The following NCOR1 variants were observed in gnomAD, a reference collection of about 807,000 sequenced individuals.
The protein encoded by NCOR1 is protein phosphatase 1, regulatory subunit 109.
A neutral mutation model predicts 288.1 loss-of-function variants in NCOR1; 63 were observed. The observed-to-expected ratio is 0.22, with a 90% confidence interval of 0.18 to 0.27. The LOEUF is 0.27. Ranked by LOEUF, NCOR1 falls within the 10% of genes least tolerant of loss-of-function variation. The pLI is 1.00. For synonymous variants in NCOR1, 1,007 were observed against 1,065.9 expected (o/e 0.94, Z 1.08); for missense variants, 2,397 against 3,019.2 (o/e 0.79, Z 4.83).
chr17:16,068,043 G>A lies in NCOR1; in HGVS notation c.4592C>T (p.Ala1531Val), dbSNP rs151311067. 5.4e-5 allele frequency: 87 copies of A among 1,614,018 alleles called. No individual in the cohort carries two copies. The highest frequency in any genetic ancestry group is 5.2e-4 in the Admixed American group (31 of 59,996). The part of the protein sequence containing the change: ...LTPTQRESIP[A>V]KSPVPGVDPV... ...GTCCACCCCAGGCACTGGAGACTTC[G>A]CTGGGATACTTTCCCTCTGGGTAGG... Residue 1531 changes from alanine to valine, a missense_variant, in exon 32 of 46, where the codon GCG becomes GTG. Ala to Val is a moderately conservative substitution (Grantham distance 64). This residue lies in a region of NCOR1 where 1,872 missense variants were observed against 2,187.8 expected (regional missense o/e 0.86). Coordinates refer to ENST00000268712, the MANE Select transcript of NCOR1 (RefSeq NM_006311.4).
intron 20 of NCOR1, among the ~76,000 whole-genome samples, chr17:16,099,015 T>A (rs2067140526): frequency 6.6e-6 from 1 of 152,236 alleles, no homozygotes; most frequent in Non-Finnish European, 1.5e-5. Flanking sequence ...AATATTTGAA[T>A]AAGCTGCTGT....
At position 16,182,611 on chromosome 17, in the gene NCOR1, C is replaced by G. The variant is rs187243943; in HGVS notation, c.242+3943G>C. 4.6e-3 allele frequency among the ~76,000 whole-genome samples: 704 copies of G among 152,196 alleles called. 6 individuals carry two copies. The highest frequency in any genetic ancestry group is 0.016 in the African/African-American group (664 of 41,520). ...CTGGGACTATAGGTGCCCACCACCA[C>G]GCCCGGCTAATGTTTTGTATTTTTA... On this transcript the variant is annotated intron_variant, in intron 3 of 45. Transcript: ENST00000268712.
rs143632655 is a variant in NCOR1 at position 16,127,265 on chromosome 17, A to C, written c.1510-1059T>G. On this transcript the variant is annotated intron_variant, in intron 14 of 45. Coordinates refer to ENST00000268712, the MANE Select transcript of NCOR1 (RefSeq NM_006311.4). ...TATGTATGTATATATGTGTGTGTAT[A>C]TATGTATGTATATATACGTGTATAT... Among the ~76,000 whole-genome samples, 9 of 103,944 alleles carry C rather than the reference A, an allele frequency of 8.7e-5. 1 individual carries two copies. The highest frequency in any genetic ancestry group is 3.0e-4 in the African/African-American group (9 of 29,714). 68.2% of individuals were successfully genotyped at this position (103,944 alleles called of 152,430 possible).
intron 41 of NCOR1, 54 bp downstream of exon 41, chr17:16,048,791 A>G (rs1388536209): frequency 1.4e-6 from 2 of 1,466,624 alleles, no homozygotes; most frequent in Non-Finnish European, 1.8e-6. Flanking sequence ...AGGAAATGTT[A>G]AAGCATGAGC....
At chr17:16,086,567 G>C in intron 22 of NCOR1, 125 bp from the exon 23 acceptor site, 1 of 828,342 alleles carries the variant, frequency 1.2e-6, no homozygotes, top group Non-Finnish European at 1.8e-6. Flanking sequence ...AACCAACAAT[G>C]AACATTTCTA....
rs1039572294 is a variant in NCOR1, at chr17:16,215,408, A to G, written c.-117T>C. The G allele has an allele frequency of 1.0e-5, 4 of 395,952 alleles. No homozygotes were observed. The highest frequency in any genetic ancestry group is 8.8e-5 in the Admixed American group (2 of 22,634). 24.5% of individuals were successfully genotyped at this position (395,952 alleles called of 1,614,324 possible). On this transcript the variant is annotated 5_prime_UTR_variant, in exon 1 of 46. Coordinates refer to ENST00000268712, the MANE Select transcript of NCOR1 (RefSeq NM_006311.4). ...AGCCGACGTGCGCCCCGGCCTGAGG[A>G]GTGGGACGCGGCCACGGCGCGCGGC...
chr17:16,039,772 T>G, intron 43 of NCOR1, 118 bp from the exon 44 acceptor site: 1 of 866,236 alleles, frequency 1.2e-6, no homozygotes, highest in Non-Finnish European at 1.8e-6. Context: ...CCTAGAACAA[T>G]ACCAGGACCC....
Position 16,108,996 on chromosome 17 carries a change from A to G in NCOR1, c.2056-84T>C, listed in dbSNP as rs2069392140. On this transcript the variant is annotated intron_variant, in intron 18 of 45. Coordinates refer to ENST00000268712, the MANE Select transcript of NCOR1 (RefSeq NM_006311.4). ...TCTGAAATAATGTAGAACATTGATA[A>G]GCACACACACACACCAGACAAGGAG... 13 of 1,102,752 alleles carry G rather than the reference A, an allele frequency of 1.2e-5. No individual in the cohort carries two copies. In the South Asian group the frequency reaches 2.2e-4, roughly 18 times the overall value. 68.3% of individuals were successfully genotyped at this position (1,102,752 alleles called of 1,614,324 possible).
chr17:16,039,671 A>T lies in NCOR1; in HGVS notation c.6734-17T>A. 1 of 1,602,520 alleles carries T rather than the reference A, an allele frequency of 6.2e-7. No individual in the cohort carries two copies. The highest frequency in any genetic ancestry group is 1.7e-5 in the Admixed American group (1 of 58,646). ...TAACTGAGCCTGAAAGAGAATCAAA[A>T]ACATTTCCACTTATTTCTGAAAGGC... On this transcript the variant is annotated splice_polypyrimidine_tract_variant and intron_variant, in intron 43 of 45. Coordinates refer to ENST00000268712, the MANE Select transcript of NCOR1 (RefSeq NM_006311.4).
intron 11 of NCOR1, among the ~76,000 whole-genome samples, chr17:16,140,854 G>C (rs1015836434): frequency 6.6e-6 from 1 of 151,964 alleles, no homozygotes; most frequent in Admixed American, 6.6e-5. Flanking sequence ...TTAGCCGGGC[G>C]TAGTGGTGTA....
At chr17:16,042,171 A>C (rs2057837562) in intron 42 of NCOR1, among the ~76,000 whole-genome samples, 1 of 151,990 alleles carries the variant, frequency 6.6e-6, no homozygotes, top group African/African-American at 2.4e-5. Context: ...AGAGGAGAAA[A>C]GTCCTCAGAA....
intron 3 of NCOR1, among the ~76,000 whole-genome samples, chr17:16,181,039 G>T (rs1319208507): frequency 6.6e-6 from 1 of 152,050 alleles, no homozygotes; most frequent in Non-Finnish European, 1.5e-5. Flanking sequence ...CACGCCTGTA[G>T]TCCCAGCTAC....
rs139458532 is a variant in NCOR1 at position 16,073,554 on chromosome 17, C to G, written c.3686G>C (p.Arg1229Pro). 1 of 1,606,936 alleles carries G rather than the reference C, an allele frequency of 6.2e-7. No homozygotes were observed. The highest frequency in any genetic ancestry group is 1.3e-5 in the African/African-American group (1 of 74,692). ...TGTTCTTGGACTCCTAGTCCCTTCTCGGGCATTCTTAATATCTACAGAATA... is the reference window on the plus strand; with the variant it reads ...TGTTCTTGGACTCCTAGTCCCTTCTGGGGCATTCTTAATATCTACAGAATA... ...ILSYDNIKNA[R>P]EGTRSPRTAH... The change falls in exon 28 of 46, where the codon CGA becomes CCA. Residue 1229 changes from arginine to proline, a missense_variant. Transcript: ENST00000268712.
chr17:16,039,406 A>C, intron 44 of NCOR1, 27 bp downstream of exon 44: 1 of 1,602,192 alleles, frequency 6.2e-7, no homozygotes, highest in Non-Finnish European at 8.5e-7. Context: ...GAAAAGCAGC[A>C]GAAAAGCACT....
At chr17:16,096,818 G>C (rs1160123881) in intron 21 of NCOR1, among the ~76,000 whole-genome samples, 2 of 152,130 alleles carry the variant, frequency 1.3e-5, no homozygotes, top group Non-Finnish European at 2.9e-5. Context: ...AAAAACCAAG[G>C]TGCTAAAATC....
chr17:16,185,080 G>A (rs1368009418), intron 3 of NCOR1, among the ~76,000 whole-genome samples: 1 of 151,106 alleles, frequency 6.6e-6, no homozygotes, highest in Non-Finnish European at 1.5e-5. Context: ...CCAGGGGCAG[G>A]GGGTGGAAAG....
chr17:16,158,728 G>A (rs775224186), intron 6 of NCOR1, 32 bp downstream of exon 6: 1 of 1,425,514 alleles, frequency 7.0e-7, no homozygotes, highest in Non-Finnish European at 9.9e-7. Flanking sequence ...TGGGGTTAAA[G>A]GCCTGTGCTG....
chr17:16,117,796 T>C (rs2072018723), intron 18 of NCOR1, 92 bp downstream of exon 18: 3 of 1,366,784 alleles, frequency 2.2e-6, no homozygotes, highest in Non-Finnish European at 2.0e-6. Context: ...CACTCTAGCC[T>C]GGGTGATAGA....
Position 16,070,354 on chromosome 17 carries a change from C to G in NCOR1, c.4324G>C (p.Glu1442Gln). 1 of 1,614,132 alleles carries G rather than the reference C, an allele frequency of 6.2e-7. No homozygotes were observed. Among genetic ancestry groups the G allele is most frequent in the Non-Finnish European group, 8.5e-7 (1 of 1,180,026 alleles). ...RGKYEDVKAG[E>Q]TVRSRHTSVV... ...GACGTGTGCCGGGAACGCACGGTCT[C>G]GCCTGCTTTCACATCCTCATATTTT... The change falls in exon 31 of 46, where the codon GAG becomes CAG. Residue 1442 changes from glutamate to glutamine, a missense_variant. Around this residue, in one of 11 missense-constraint regions of NCOR1, gnomAD observed 1,872 missense variants for 2,187.8 expected, o/e 0.86. Transcript: ENST00000268712.
Sources: allele counts gnomAD v4.1 joint callset (sites outside exome capture counted in the v4.1 genomes callset), GRCh38; gene constraint gnomAD v4.1.1; regional missense constraint gnomAD v4.1.1; transcripts MANE v1.5; gene names NCBI Gene and HGNC (gene_info 2026-07-23, HGNC 2026-07-21).